Variants in MCPH1 observed in about 807,000 individuals in gnomAD.
MCPH1 encodes microcephalin.
In MCPH1, 104 loss-of-function variants were observed where a neutral mutation model predicts 84.5. The observed-to-expected ratio is 1.23, with a 90% CI of 1.05 to 1.45. MCPH1 has a LOEUF of 1.45. MCPH1 is among the 40% of genes most tolerant of loss of function. The pLI, the probability that MCPH1 is intolerant of heterozygous loss-of-function variation, is 0.00. For missense variants in MCPH1, 1,498 were observed against 1,005.7 expected, an observed-to-expected ratio of 1.49 and a Z score of -6.62; for synonymous variants, 514 against 366.8, an observed-to-expected ratio of 1.40 and a Z score of -4.58.
intron 12 of MCPH1, among the ~76,000 whole-genome samples, chr8:6,608,063 C>T (rs952529210): frequency 1.3e-5 from 2 of 152,162 alleles, no homozygotes; most frequent in Non-Finnish European, 2.9e-5. Context: ...GTGCTCACCT[C>T]CAGCAAGGTG....
At chr8:6,422,603 A>T (rs900880778) in intron 3 of MCPH1, among the ~76,000 whole-genome samples, 1 of 151,728 alleles carries the variant, frequency 6.6e-6, no homozygotes, top group Non-Finnish European at 1.5e-5. Flanking sequence ...CTCTCTCTCT[A>T]TTTCTGCCCA....
chr8:6,592,999 A>G (rs558241756), intron 12 of MCPH1, among the ~76,000 whole-genome samples: 28 of 151,136 alleles, frequency 1.9e-4, no homozygotes, highest in African/African-American at 6.6e-4. Flanking sequence ...CTACACCCCA[A>G]ATAAACACAG....
At chr8:6,475,189 TTCCCCTGCCACAC>T (rs1808289143) in intron 9 of MCPH1, among the ~76,000 whole-genome samples, 1 of 152,204 alleles carries the variant, frequency 6.6e-6, no homozygotes, top group Non-Finnish European at 1.5e-5. Flanking sequence ...GCTTTGAAAG[TTCCCCTGCCACAC>T]TGGGCTTCCA....
At chr8:6,416,344 C>G (rs2442539) in intron 3 of MCPH1, among the ~76,000 whole-genome samples, 148,070 of 152,246 alleles carry the variant, frequency 0.97, 72,131 homozygotes, top group East Asian at 1. Context: ...CTCCAGCACA[C>G]TGTTGAATAG....
intron 12 of MCPH1, among the ~76,000 whole-genome samples, chr8:6,595,394 G>A (rs1828840969): frequency 6.6e-6 from 1 of 152,232 alleles, no homozygotes; most frequent in Non-Finnish European, 1.5e-5. Context: ...GTCCCATTGA[G>A]AAGGTGAATG....
chr8:6,488,139 G>T (rs368544809), intron 11 of MCPH1, among the ~76,000 whole-genome samples: 2 of 152,234 alleles, frequency 1.3e-5, no homozygotes, highest in African/African-American at 2.4e-5. Flanking sequence ...CTCTGCGGAG[G>T]CTCCTGCAGG....
At chr8:6,453,537 T>C (rs1345132291) in intron 8 of MCPH1, among the ~76,000 whole-genome samples, 1 of 152,172 alleles carries the variant, frequency 6.6e-6, no homozygotes, top group African/African-American at 2.4e-5. Context: ...AAAACTTTTA[T>C]TGAATACACT....
intron 11 of MCPH1, among the ~76,000 whole-genome samples, chr8:6,481,184 G>T (rs1029891732): frequency 1.3e-5 from 2 of 152,216 alleles, no homozygotes; most frequent in African/African-American, 4.8e-5. Flanking sequence ...TGTTCTCACA[G>T]TCAAAGAGCT....
At chr8:6,527,713 T>A (rs770200609) in intron 12 of MCPH1, 37 of 1,537,394 alleles carry the variant, frequency 2.4e-5, no homozygotes, top group Non-Finnish European at 3.3e-5. Context: ...TTAATTATTT[T>A]TTAATTAGTT....
chr8:6,603,957 C>G (rs578019764), intron 12 of MCPH1, among the ~76,000 whole-genome samples: 1 of 151,158 alleles, frequency 6.6e-6, no homozygotes, highest in East Asian at 1.9e-4. Flanking sequence ...GTTATTTTTA[C>G]AAGATTAAAA....
At chr8:6,454,848 C>G (rs145158062) in intron 8 of MCPH1, among the ~76,000 whole-genome samples, 2 of 152,120 alleles carry the variant, frequency 1.3e-5, no homozygotes, top group African/African-American at 4.8e-5. Flanking sequence ...TTAAGTTTGA[C>G]GAGTGCGTAA....
At chr8:6,557,997 C>T (rs1032637163) in intron 12 of MCPH1, among the ~76,000 whole-genome samples, 2 of 152,278 alleles carry the variant, frequency 1.3e-5, no homozygotes, top group East Asian at 3.9e-4. Flanking sequence ...CTGACTCCCT[C>T]ACAGGTGGTG....
intron 3 of MCPH1, among the ~76,000 whole-genome samples, chr8:6,421,044 G>A (rs1250680129): frequency 6.6e-6 from 1 of 152,162 alleles, no homozygotes; most frequent in African/African-American, 2.4e-5. Flanking sequence ...GCCCTTTTCC[G>A]CAGTTCTTCC....
chr8:6,523,941 C>G (rs1255839572), intron 12 of MCPH1, among the ~76,000 whole-genome samples: 2 of 150,994 alleles, frequency 1.3e-5, no homozygotes, highest in African/African-American at 2.4e-5. Context: ...TAGCCTGACA[C>G]TACATTATTC....
At chr8:6,584,405 G>C (rs1171637666) in intron 12 of MCPH1, among the ~76,000 whole-genome samples, 6 of 152,162 alleles carry the variant, frequency 3.9e-5, no homozygotes, top group African/African-American at 1.4e-4. Flanking sequence ...TGATTTAAAA[G>C]GAGACACAGC....
At chr8:6,406,918 C>T (rs1322486354) in intron 1 of MCPH1, among the ~76,000 whole-genome samples, 1 of 107,580 alleles carries the variant, frequency 9.3e-6, no homozygotes, top group South Asian at 4.1e-4. Context: ...CCCCGGCTGC[C>T]TGCTTCGTCT....
intron 6 of MCPH1, 32 bp downstream of exon 6, chr8:6,439,128 G>A (rs1419881116): frequency 1.9e-6 from 3 of 1,598,876 alleles, no homozygotes; most frequent in Non-Finnish European, 2.6e-6. Context: ...TGAAAATTAT[G>A]CAAATAGCCG....
chr8:6,463,708 A>G (rs964640395), intron 9 of MCPH1, among the ~76,000 whole-genome samples: 4 of 152,244 alleles, frequency 2.6e-5, no homozygotes, highest in African/African-American at 4.8e-5. Flanking sequence ...AGCAGAGAAA[A>G]TAGAATACTT....
chr8:6,446,059 G>T, intron 8 of MCPH1: 2 of 980,782 alleles, frequency 2.0e-6, no homozygotes, highest in Non-Finnish European at 2.4e-6. Context: ...ACTTTGGTCA[G>T]TGTTAACTAT....
Sources: allele counts gnomAD v4.1 joint callset (sites outside exome capture counted in the v4.1 genomes callset), GRCh38; gene constraint gnomAD v4.1.1; transcripts MANE v1.5; gene names NCBI Gene and HGNC (gene_info 2026-07-23, HGNC 2026-07-21).